ANKH: variants seen among roughly 807,000 people sequenced by gnomAD.
The protein encoded by ANKH is ANKH inorganic pyrophosphate transport regulator, also known as mineralization regulator ANKH.
Under a neutral mutation model 49.0 loss-of-function variants are expected in ANKH, and 15 were observed. The ratio of observed to expected loss-of-function variants is 0.31; its 90% CI spans 0.20 to 0.47. ANKH has a LOEUF of 0.47. Among genes scored for constraint, ANKH ranks in the 20% least tolerant of loss-of-function variants. The probability of loss-of-function intolerance (pLI) is 1.00; values close to 1 mark genes in which losing one functional copy is unlikely to be tolerated. For synonymous variants in ANKH, 273 were observed against 260.0 expected (o/e 1.05, Z -0.48); for missense variants, 429 against 652.0 (o/e 0.66, Z 3.72).
chr5:14,828,456 G>C (rs1341031153), intron 1 of ANKH, among the ~76,000 whole-genome samples: 2 of 152,122 alleles, frequency 1.3e-5, no homozygotes, highest in Admixed American at 1.3e-4. Context: ...GAACTCAGGA[G>C]GTGGAGGTTG....
At chr5:14,835,125 T>C (rs1038756654) in intron 1 of ANKH, among the ~76,000 whole-genome samples, 1 of 152,212 alleles carries the variant, frequency 6.6e-6, no homozygotes, top group African/African-American at 2.4e-5. Context: ...GATGTAATCT[T>C]TACAAGTTTT....
intron 8 of ANKH, among the ~76,000 whole-genome samples, chr5:14,727,921 T>C (rs1442584782): frequency 6.6e-6 from 1 of 152,230 alleles, no homozygotes; most frequent in African/African-American, 2.4e-5. Flanking sequence ...CAGCACACTC[T>C]GTTCATTTGC....
At position 14,708,063 on chromosome 5, in the gene ANKH, C is replaced by T. The variant is rs1222992697; in HGVS notation, c.*3134G>A. 1 of 152,180 alleles carries T rather than the reference C, an allele frequency of 6.6e-6. No individual in the cohort carries two copies. The highest frequency in any genetic ancestry group is 1.9e-4 in the East Asian group (1 of 5,196). 9.4% of individuals were successfully genotyped at this position (152,180 alleles called of 1,614,324 possible). A position where few individuals can be genotyped will look rare whatever the true frequency, so the allele number is the denominator to read the frequency against. On this transcript the variant is annotated 3_prime_UTR_variant, in exon 12 of 12. Transcript: ENST00000284268. Reference sequence around the variant, plus strand: ...TCCAATCCTACCGTGACTTTCCAAGCGCAAGCCTCGTCTAGTTCTTTTTGC... The same window carrying T: ...TCCAATCCTACCGTGACTTTCCAAGTGCAAGCCTCGTCTAGTTCTTTTTGC...
At chr5:14,751,633 C>T (rs941445609) in intron 4 of ANKH, among the ~76,000 whole-genome samples, 3 of 152,060 alleles carry the variant, frequency 2.0e-5, no homozygotes, top group Non-Finnish European at 2.9e-5. Flanking sequence ...CATGTGTGCA[C>T]CAAACCGAGA....
chr5:14,739,241 A>G (rs1459544260), intron 8 of ANKH, among the ~76,000 whole-genome samples: 1 of 152,164 alleles, frequency 6.6e-6, no homozygotes, highest in Non-Finnish European at 1.5e-5. Flanking sequence ...ATATAGTGAA[A>G]CCCCATCTCT....
intron 1 of ANKH, among the ~76,000 whole-genome samples, chr5:14,775,596 T>C (rs1314813153): frequency 1.3e-5 from 2 of 152,046 alleles, no homozygotes; most frequent in East Asian, 3.9e-4. Flanking sequence ...GCAGCCCCTC[T>C]AAAGAGGTGA....
In ANKH at chr5:14,704,931, C is replaced by T. The variant is rs1736892545; in HGVS notation, c.*6266G>A. The T allele has an allele frequency of 6.6e-6, 1 of 152,216 alleles. No individual in the cohort carries two copies. The highest frequency in any genetic ancestry group is 2.1e-4 in the South Asian group (1 of 4,836). 9.4% of individuals were successfully genotyped at this position (152,216 alleles called of 1,614,324 possible). On this transcript the variant is annotated 3_prime_UTR_variant, in exon 12 of 12. Coordinates refer to ENST00000284268, the MANE Select transcript of ANKH (RefSeq NM_054027.6). ...ATAAATGCTCTTACCAATGCAAAAA[C>T]TTCCATCTGTTAGATACATAAAGAG...
intron 1 of ANKH, among the ~76,000 whole-genome samples, chr5:14,805,091 G>C (rs1740665528): frequency 6.6e-6 from 1 of 152,154 alleles, no homozygotes; most frequent in Non-Finnish European, 1.5e-5. Flanking sequence ...GAACATTTGA[G>C]TCAGTGGGCT....
intron 1 of ANKH, among the ~76,000 whole-genome samples, chr5:14,788,981 C>G (rs1323713650): frequency 2.0e-5 from 3 of 152,232 alleles, no homozygotes; most frequent in Non-Finnish European, 4.4e-5. Flanking sequence ...GTAATCCCAG[C>G]ACTTTGGGAG....
intron 8 of ANKH, among the ~76,000 whole-genome samples, chr5:14,731,649 A>T (rs1332635901): frequency 6.6e-6 from 1 of 152,198 alleles, no homozygotes; most frequent in East Asian, 1.9e-4. Flanking sequence ...TCTGTGGTGG[A>T]AAGAAAGCTT....
chr5:14,788,443 C>G (rs1740048592), intron 1 of ANKH, among the ~76,000 whole-genome samples: 2 of 152,160 alleles, frequency 1.3e-5, no homozygotes. Context: ...ACGTGGTGGC[C>G]AAACTGTTAA....
chr5:14,822,625 C>G (rs1184141249), intron 1 of ANKH, among the ~76,000 whole-genome samples: 3 of 152,112 alleles, frequency 2.0e-5, no homozygotes, highest in African/African-American at 7.2e-5. Context: ...CAATGTTAAC[C>G]ACAATAGTAA....
intron 1 of ANKH, among the ~76,000 whole-genome samples, chr5:14,789,370 T>A (rs1037405866): frequency 6.6e-6 from 1 of 151,912 alleles, no homozygotes; most frequent in African/African-American, 2.4e-5. Context: ...ATGCATTTTT[T>A]AAAAGCAAAT....
intron 1 of ANKH, among the ~76,000 whole-genome samples, chr5:14,853,443 A>C (rs1333330274): frequency 6.6e-6 from 1 of 152,110 alleles, no homozygotes; most frequent in Non-Finnish European, 1.5e-5. Context: ...CGGGTGTGGC[A>C]GCATGCACCT....
Position 14,725,089 on chromosome 5 carries a change from G to T in ANKH, c.1012-8254C>A, listed in dbSNP as rs1737784154. Among the ~76,000 whole-genome samples, 1 of 152,114 alleles carries T rather than the reference G, an allele frequency of 6.6e-6. No individual in the cohort carries two copies. Among genetic ancestry groups the T allele is most frequent in the Non-Finnish European group, 1.5e-5 (1 of 68,026 alleles). Reference sequence around the variant, plus strand: ...TTTAATTGGGTTGAAGTCCCCACCGGGCAAGCCAGTGGTTAGCCCTCGGCA... The same window carrying T: ...TTTAATTGGGTTGAAGTCCCCACCGTGCAAGCCAGTGGTTAGCCCTCGGCA... On this transcript the variant is annotated intron_variant, in intron 8 of 11. Coordinates refer to ENST00000284268, the MANE Select transcript of ANKH (RefSeq NM_054027.6). The surrounding 1 kb of genome is among the most constrained non-coding windows in gnomAD (Gnocchi z 4.0).
intron 1 of ANKH, among the ~76,000 whole-genome samples, chr5:14,845,089 T>C (rs73054635): frequency 0.019 from 2,894 of 151,654 alleles, 69 homozygotes; most frequent in African/African-American, 0.053. Flanking sequence ...TTTAATAAGG[T>C]ATCTGACCCT....
chr5:14,853,715 A>T (rs1015145734), intron 1 of ANKH, among the ~76,000 whole-genome samples: 28 of 152,064 alleles, frequency 1.8e-4, no homozygotes, highest in African/African-American at 6.3e-4. Context: ...CCCAGGCTGG[A>T]GTGCAGTGGC....
At chr5:14,732,082 G>A (rs1738023476) in intron 8 of ANKH, among the ~76,000 whole-genome samples, 2 of 152,202 alleles carry the variant, frequency 1.3e-5, no homozygotes, top group Non-Finnish European at 2.9e-5. Flanking sequence ...GGGCCCAGGT[G>A]CAACTTCAAA....
At chr5:14,825,729 C>T (rs1281492689) in intron 1 of ANKH, among the ~76,000 whole-genome samples, 4 of 152,170 alleles carry the variant, frequency 2.6e-5, no homozygotes, top group Admixed American at 6.5e-5. Context: ...TGGCAATGAG[C>T]TGACTCATCT....
Sources: allele counts gnomAD v4.1 joint callset (sites outside exome capture counted in the v4.1 genomes callset), GRCh38; gene constraint gnomAD v4.1.1; non-coding constraint Gnocchi (gnomAD v3.1); transcripts MANE v1.5; gene names NCBI Gene and HGNC (gene_info 2026-07-23, HGNC 2026-07-21).